The following MAGI1 variants were observed in gnomAD, a reference collection of about 807,000 sequenced individuals.
MAGI1 encodes the protein membrane associated guanylate kinase, WW and PDZ domain containing 1.
MAGI1 carries 58 observed loss-of-function variants against 139.9 expected under a neutral mutation model. That is an observed-to-expected ratio of 0.41 (90% confidence interval 0.34 to 0.52). MAGI1 has a LOEUF of 0.52. Ranked by LOEUF, MAGI1 falls within the 20% of genes least tolerant of loss-of-function variation. The pLI is 0.12. For missense variants in MAGI1, 1,874 were observed against 1,901.6 expected, an observed-to-expected ratio of 0.99 and a Z score of 0.27; for synonymous variants, 812 against 737.9, an observed-to-expected ratio of 1.10 and a Z score of -1.63.
chr3:65,552,284 G>GTGTT (rs1235038611), intron 2 of MAGI1, among the ~76,000 whole-genome samples: 3 of 151,576 alleles, frequency 2.0e-5, no homozygotes, highest in African/African-American at 7.3e-5. Context: ...GTGTGTGTGT[G>GTGTT]TGTGTCCCCA....
intron 1 of MAGI1, among the ~76,000 whole-genome samples, chr3:65,625,399 A>T (rs560052742): frequency 3.3e-5 from 5 of 152,314 alleles, no homozygotes; most frequent in African/African-American, 4.8e-5. Flanking sequence ...GAAGTAAAGG[A>T]AAAAGAAAGT....
At chr3:65,483,087 TA>T (rs1467372145) in intron 3 of MAGI1, among the ~76,000 whole-genome samples, 1 of 152,218 alleles carries the variant, frequency 6.6e-6, no homozygotes, top group South Asian at 2.1e-4. Context: ...TGAGTAGATG[TA>T]AAAAAACCTT....
chr3:65,683,446 T>C (rs1486080275), intron 1 of MAGI1, among the ~76,000 whole-genome samples: 1 of 150,980 alleles, frequency 6.6e-6, no homozygotes, highest in Non-Finnish European at 1.5e-5. Context: ...GCTGTGAACT[T>C]AAAACTGCTC....
At chr3:66,001,039 T>A (rs2066712279) in intron 1 of MAGI1, among the ~76,000 whole-genome samples, 1 of 152,218 alleles carries the variant, frequency 6.6e-6, no homozygotes, top group African/African-American at 2.4e-5. Flanking sequence ...ATGAAATTAT[T>A]CTCTTCAAGG....
intron 1 of MAGI1, among the ~76,000 whole-genome samples, chr3:65,990,613 G>A (rs970913347): frequency 3.8e-4 from 58 of 152,146 alleles, no homozygotes; most frequent in African/African-American, 1.3e-3. Flanking sequence ...CCTGAACCCA[G>A]TATAACGTAA....
At chr3:65,853,829 G>T (rs1424618395) in intron 1 of MAGI1, among the ~76,000 whole-genome samples, 1 of 152,186 alleles carries the variant, frequency 6.6e-6, no homozygotes, top group Non-Finnish European at 1.5e-5. Flanking sequence ...GACAGGCCAG[G>T]TGTGGTGGCT....
intron 2 of MAGI1, among the ~76,000 whole-genome samples, chr3:65,559,820 A>C (rs7645937): frequency 0.096 from 14,661 of 152,206 alleles, 951 homozygotes; most frequent in African/African-American, 0.18. Context: ...GGATCCCTTG[A>C]GCTGAAGACT....
chr3:65,544,983 T>C (rs1164403853), intron 2 of MAGI1, among the ~76,000 whole-genome samples: 1 of 152,166 alleles, frequency 6.6e-6, no homozygotes, highest in Non-Finnish European at 1.5e-5. Flanking sequence ...ATCAATCTCA[T>C]CTAGTGCAGG....
At position 65,749,424 on chromosome 3, in the gene MAGI1, G is replaced by C. The variant is rs58135774; in HGVS notation, c.314-127336C>G. 4.3e-3 allele frequency among the ~76,000 whole-genome samples: 660 copies of C among 152,250 alleles called. 5 individuals carry two copies. Among genetic ancestry groups the C allele is most frequent in the African/African-American group, 0.015 (633 of 41,552 alleles). On this transcript the variant is annotated intron_variant, in intron 1 of 22. Transcript: ENST00000402939. ...TTCTAAGTGAAGTGACTCAGGAATG[G>C]AAAACCAAACATCATACGTTCTCAC...
intron 2 of MAGI1, among the ~76,000 whole-genome samples, chr3:65,528,182 C>G (rs1449487059): frequency 6.6e-6 from 1 of 152,128 alleles, no homozygotes; most frequent in African/African-American, 2.4e-5. Context: ...GAAATTTAGA[C>G]TGAAAACTAA....
At chr3:66,012,092 C>G (rs1360615658) in intron 1 of MAGI1, among the ~76,000 whole-genome samples, 1 of 151,982 alleles carries the variant, frequency 6.6e-6, no homozygotes, top group South Asian at 2.1e-4. Flanking sequence ...GGATGGGCAA[C>G]AAAATGGTAT....
chr3:65,959,601 TTTATTATTA>T lies in MAGI1; in HGVS notation c.313+78386_313+78394del, dbSNP rs34295973. Reference sequence around the variant, plus strand: ...AGACATGGGCCACCATCCCAGCATTTTTATTATTATTATTATTATTATTATTATTATTAT... The same window carrying T: ...AGACATGGGCCACCATCCCAGCATTTTTATTATTATTATTATTATTATTAT... On this transcript the variant is annotated intron_variant, in intron 1 of 22. Transcript: ENST00000402939. Among the ~76,000 whole-genome samples, 768 of 127,302 alleles carry T rather than the reference TTTATTATTA, an allele frequency of 6.0e-3. 7 individuals carry two copies. The highest frequency in any genetic ancestry group is 0.011 in the Middle Eastern group (3 of 266). The allele number at this position is 127,302 out of a possible 152,430, so 83.5% of individuals were successfully genotyped here. A position where few individuals can be genotyped will look rare whatever the true frequency, so the allele number is the denominator to read the frequency against.
chr3:65,974,230 T>C (rs1300263409), intron 1 of MAGI1, among the ~76,000 whole-genome samples: 1 of 151,876 alleles, frequency 6.6e-6, no homozygotes, highest in African/African-American at 2.4e-5. Context: ...TCCTAATCAC[T>C]ATGCACTGTT....
In MAGI1 at chr3:65,845,094, T is replaced by C. The variant is rs575003095; in HGVS notation, c.313+192902A>G. 1.1e-4 allele frequency among the ~76,000 whole-genome samples: 17 copies of C among 151,948 alleles called. No individual in the cohort carries two copies. The East Asian group carries it at 3.3e-3, about 30-fold the overall frequency. ...GGTGAAACCCCGTCTCTATTAAAAA[T>C]ACAAAACTTAGCTGGGTGTGGTGGT... On this transcript the variant is annotated intron_variant, in intron 1 of 22. Coordinates refer to ENST00000402939, the MANE Select transcript of MAGI1 (RefSeq NM_001033057.2).
At chr3:65,551,533 C>T (rs1346154763) in intron 2 of MAGI1, among the ~76,000 whole-genome samples, 7 of 152,144 alleles carry the variant, frequency 4.6e-5, no homozygotes, top group Admixed American at 3.9e-4. Context: ...ATTTCCTGAC[C>T]TCGTGATCCG....
At chr3:65,989,095 C>G (rs972054889) in intron 1 of MAGI1, among the ~76,000 whole-genome samples, 12 of 152,180 alleles carry the variant, frequency 7.9e-5, no homozygotes, top group Admixed American at 2.6e-4. Context: ...TACCAACGCT[C>G]CATCACAAAA....
At chr3:65,689,923 C>A (rs115419962) in intron 1 of MAGI1, among the ~76,000 whole-genome samples, 2 of 152,188 alleles carry the variant, frequency 1.3e-5, no homozygotes, top group Non-Finnish European at 2.9e-5. Context: ...GCATACGTGT[C>A]TGCTGCTTCT....
chr3:65,696,442 G>A (rs2089197510), intron 1 of MAGI1, among the ~76,000 whole-genome samples: 1 of 151,454 alleles, frequency 6.6e-6, no homozygotes, highest in South Asian at 2.1e-4. Flanking sequence ...TACATTCATG[G>A]GGCATCTCTA....
intron 1 of MAGI1, among the ~76,000 whole-genome samples, chr3:65,661,745 GTTTTTTTTTTT>G (rs11369893): frequency 8.5e-5 from 8 of 93,920 alleles, no homozygotes; most frequent in African/African-American, 3.4e-4. Context: ...GTTTTTTTCT[GTTTTTTTTTTT>G]TTTTTTTTTG....
Sources: allele counts gnomAD v4.1 joint callset (sites outside exome capture counted in the v4.1 genomes callset), GRCh38; gene constraint gnomAD v4.1.1; transcripts MANE v1.5; gene names NCBI Gene and HGNC (gene_info 2026-07-23, HGNC 2026-07-21).